The following LCE6A variants were observed in gnomAD, a reference collection of about 807,000 sequenced individuals.
LCE6A encodes the protein late cornified envelope protein 6A.
For synonymous variants in LCE6A, 38 were observed against 35.2 expected (o/e 1.08, Z -0.28); for missense variants, 105 against 95.3 (o/e 1.10, Z -0.42).
chr1:152,843,895 G>C lies in LCE6A; in HGVS notation c.*132G>C, dbSNP rs770480733. 1.1e-5 allele frequency: 13 copies of C among 1,140,746 alleles called. No homozygotes were observed. The highest frequency in any genetic ancestry group is 1.6e-5 in the African/African-American group (1 of 63,474). The allele number at this position is 1,140,746 out of a possible 1,614,324, so 70.7% of individuals were successfully genotyped here. A position where few individuals can be genotyped will look rare whatever the true frequency, so the allele number is the denominator to read the frequency against. ...AAACACTTCCTGATCCCCAGCTCTA[G>C]AGAAGCGAGAACTAGGCTGAGCCAC... On this transcript the variant is annotated 3_prime_UTR_variant, in exon 2 of 2. Transcript: ENST00000431011.
rs945885829 is a variant in LCE6A, at chr1:152,843,671, G to T, written c.151G>T (p.Val51Phe). Residue 51 changes from valine to phenylalanine, a missense_variant, in exon 2 of 2, where the codon GTT becomes TTT. By Grantham distance (50) the Val-to-Phe change is conservative (BLOSUM62 -1). Transcript: ENST00000431011. ...GCHSSSQRPEVQKPRRARQKL... is the reference protein window; with the variant it reads ...GCHSSSQRPEFQKPRRARQKL... ...TCATTCCAGTTCCCAAAGGCCTGAG[G>T]TTCAGAAGCCTAGGAGGGCTCGTCA... 5.8e-6 allele frequency: 9 copies of T among 1,551,368 alleles called. No individual in the cohort carries two copies. The highest frequency in any genetic ancestry group is 4.1e-5 in the African/African-American group (3 of 73,002).
In LCE6A at chr1:152,842,927, G is replaced by A. The variant is rs1327023199; in HGVS notation, c.-106G>A. ...CACTAGGGTAAGGCTACTTCTGGCT[G>A]AGGAGACACTTGGATGTAGCTCAAG... On this transcript the variant is annotated 5_prime_UTR_variant, in exon 1 of 2. Transcript: ENST00000431011. 6.6e-6 allele frequency: 1 copy of A among 152,272 alleles called. No homozygotes were observed. Among genetic ancestry groups the A allele is most frequent in the Non-Finnish European group, 1.5e-5 (1 of 68,110 alleles). The allele number at this position is 152,272 out of a possible 1,614,324, so 9.4% of individuals were successfully genotyped here. A position where few individuals can be genotyped will look rare whatever the true frequency, so the allele number is the denominator to read the frequency against.
rs1647928446 is a variant in LCE6A, at chr1:152,843,790, A to G, written c.*27A>G. The stretch of plus-strand genomic sequence containing the variant: ...CCCAGAAGAGTTGAGGCACAGGTGC[A>G]GTTACTCTCTCCCTGCCCCACCTTT... On this transcript the variant is annotated 3_prime_UTR_variant, in exon 2 of 2. Coordinates refer to ENST00000431011, the MANE Select transcript of LCE6A (RefSeq NM_001128600.2). 5.2e-6 allele frequency: 8 copies of G among 1,526,802 alleles called. No individual in the cohort carries two copies. The highest frequency in any genetic ancestry group is 7.1e-6 in the Non-Finnish European group (8 of 1,133,264). 94.6% of individuals were successfully genotyped at this position (1,526,802 alleles called of 1,614,324 possible). A position where few individuals can be genotyped will look rare whatever the true frequency, so the allele number is the denominator to read the frequency against.
rs1407808796 is a variant in LCE6A, at chr1:152,843,672, T to A, written c.152T>A (p.Val51Asp). Residue 51 changes from valine to aspartate, a missense_variant, in exon 2 of 2, where the codon GTT becomes GAT. By Grantham distance (152) the Val-to-Asp change is radical (BLOSUM62 -3). Coordinates refer to ENST00000431011, the MANE Select transcript of LCE6A (RefSeq NM_001128600.2). ...CATTCCAGTTCCCAAAGGCCTGAGG[T>A]TCAGAAGCCTAGGAGGGCTCGTCAA... Reference protein sequence around the residue: ...GCHSSSQRPEVQKPRRARQKL... With the variant: ...GCHSSSQRPEDQKPRRARQKL... The A allele has an allele frequency of 9.0e-6, 14 of 1,551,416 alleles. No homozygotes were observed. Among genetic ancestry groups the A allele is most frequent in the Non-Finnish European group, 1.1e-5 (13 of 1,146,864 alleles).
rs945885829 is a variant in LCE6A, at chr1:152,843,671, G to C, written c.151G>C (p.Val51Leu). ...TCATTCCAGTTCCCAAAGGCCTGAG[G>C]TTCAGAAGCCTAGGAGGGCTCGTCA... ...GCHSSSQRPE[V>L]QKPRRARQKL... is the part of the protein sequence containing the mutation. Residue 51 changes from valine (V) to leucine (L), a missense_variant, in exon 2 of 2, where the codon GTT becomes CTT. Physicochemically the swap from Val to Leu is conservative, Grantham distance 32. Coordinates refer to ENST00000431011, the MANE Select transcript of LCE6A (RefSeq NM_001128600.2). 6.4e-7 allele frequency: 1 copy of C among 1,551,486 alleles called. No homozygotes were observed. Among genetic ancestry groups the C allele is most frequent in the Non-Finnish European group, 8.7e-7 (1 of 1,146,870 alleles).
At position 152,843,629 on chromosome 1, in the gene LCE6A, C is replaced by T. The variant is rs1446712580; in HGVS notation, c.109C>T (p.Pro37Ser). The change falls in exon 2 of 2, where the codon CCC becomes TCC. Residue 37 changes from proline to serine, a missense_variant. Transcript: ENST00000431011. The stretch of plus-strand genomic sequence containing the variant: ...TCCCTACTCGACTCCTTGTGGTGCT[C>T]CCCATTCAGAAGGTTGTCATTCCAG... ...LAPYSTPCGA[P>S]HSEGCHSSSQ... 4 of 1,551,478 alleles carry T rather than the reference C, an allele frequency of 2.6e-6. No homozygotes were observed. The Admixed American group carries it at 5.9e-5, about 23-fold the overall frequency.
Position 152,842,941 on chromosome 1 carries a change from A to G in LCE6A, c.-92A>G, listed in dbSNP as rs528971080. On this transcript the variant is annotated 5_prime_UTR_variant, in exon 1 of 2. An upstream start codon of the reference 5' UTR is lost. Transcript: ENST00000431011. ...TACTTCTGGCTGAGGAGACACTTGG[A>G]TGTAGCTCAAGTGCTGCTTAGGCAG... 2.0e-5 allele frequency: 3 copies of G among 152,386 alleles called. No homozygotes were observed. The South Asian group carries it at 6.2e-4, about 32-fold the overall frequency. 9.4% of individuals were successfully genotyped at this position (152,386 alleles called of 1,614,324 possible). A position where few individuals can be genotyped will look rare whatever the true frequency, so the allele number is the denominator to read the frequency against.
chr1:152,843,881 G>A lies in LCE6A; in HGVS notation c.*118G>A. 2.4e-6 allele frequency: 3 copies of A among 1,246,178 alleles called. No homozygotes were observed. Among genetic ancestry groups the A allele is most frequent in the Non-Finnish European group, 1.1e-6 (1 of 918,104 alleles). The allele number at this position is 1,246,178 out of a possible 1,614,324, so 77.2% of individuals were successfully genotyped here. On this transcript the variant is annotated 3_prime_UTR_variant, in exon 2 of 2. Coordinates refer to ENST00000431011, the MANE Select transcript of LCE6A (RefSeq NM_001128600.2). ...TCATTTGGACTGAGAAACACTTCCT[G>A]ATCCCCAGCTCTAGAGAAGCGAGAA...
intron 1 of LCE6A, 38 bp downstream of exon 1, chr1:152,843,049 T>A (rs1647890578): frequency 6.5e-6 from 1 of 152,690 alleles, no homozygotes; most frequent in South Asian, 2.1e-4. Flanking sequence ...GGAAGAGAAG[T>A]GGATCCCTGC....
chr1:152,843,331 G>A (rs1299279175), intron 1 of LCE6A, among the ~76,000 whole-genome samples, 169 bp from the exon 2 acceptor site: 2 of 151,806 alleles, frequency 1.3e-5, no homozygotes, highest in African/African-American at 4.8e-5. Flanking sequence ...AGTCCCCTGG[G>A]AAGATTTACT....
chr1:152,843,701 C>T lies in LCE6A; in HGVS notation c.181C>T (p.Leu61=). Reference sequence around the variant, plus strand: ...GAAGCCTAGGAGGGCTCGTCAAAAGCTGCGCTGCCTAAGTAGGGGCACAAC... The same window carrying T: ...GAAGCCTAGGAGGGCTCGTCAAAAGTTGCGCTGCCTAAGTAGGGGCACAAC... ...VQKPRRARQK[L]RCLSRGTTYH... The change falls in exon 2 of 2, where the codon CTG becomes TTG. Residue 61 remains leucine (L), a synonymous_variant. Transcript: ENST00000431011. 2 of 1,551,472 alleles carry T rather than the reference C, an allele frequency of 1.3e-6. No homozygotes were observed. Among genetic ancestry groups the T allele is most frequent in the Non-Finnish European group, 8.7e-7 (1 of 1,146,850 alleles).
rs756899929 is a variant in LCE6A at position 152,843,514 on chromosome 1, C to T, written c.-7C>T. On this transcript the variant is annotated 5_prime_UTR_variant, in exon 2 of 2. Coordinates refer to ENST00000431011, the MANE Select transcript of LCE6A (RefSeq NM_001128600.2). ...TTTTCTTCCAGATTCGACCTGGTAG[C>T]CAAGCAATGTCACAGCAGAAGCAGC... 1 of 1,516,966 alleles carries T rather than the reference C, an allele frequency of 6.6e-7. No individual in the cohort carries two copies. Among genetic ancestry groups the T allele is most frequent in the Non-Finnish European group, 8.9e-7 (1 of 1,129,498 alleles). The allele number at this position is 1,516,966 out of a possible 1,614,324, so 94.0% of individuals were successfully genotyped here.
In LCE6A at chr1:152,843,902, G is replaced by A. The variant is rs1174964220; in HGVS notation, c.*139G>A. The A allele has an allele frequency of 5.6e-6, 6 of 1,064,430 alleles. No homozygotes were observed. The highest frequency in any genetic ancestry group is 5.8e-5 in the Admixed American group (2 of 34,266). 65.9% of individuals were successfully genotyped at this position (1,064,430 alleles called of 1,614,324 possible). A position where few individuals can be genotyped will look rare whatever the true frequency, so the allele number is the denominator to read the frequency against. Reference sequence around the variant, plus strand: ...TCCTGATCCCCAGCTCTAGAGAAGCGAGAACTAGGCTGAGCCACGCTGCTA... The same window carrying A: ...TCCTGATCCCCAGCTCTAGAGAAGCAAGAACTAGGCTGAGCCACGCTGCTA... On this transcript the variant is annotated 3_prime_UTR_variant, in exon 2 of 2. Transcript: ENST00000431011.
In LCE6A at chr1:152,843,535, G is replaced by A. The variant is rs144052931; in HGVS notation, c.15G>A (p.Lys5=). 3.9e-4 allele frequency: 593 copies of A among 1,538,236 alleles called. 5 individuals are homozygous for A. The African/African-American group carries it at 7.5e-3, about 20-fold the overall frequency. MSQQ[K]QQSWKPPNVP... ...GTAGCCAAGCAATGTCACAGCAGAA[G>A]CAGCAATCTTGGAAGCCTCCAAATG... Residue 5 remains lysine, a synonymous_variant, in exon 2 of 2, where the codon AAG becomes AAA. Transcript: ENST00000431011.
chr1:152,843,758 G>T lies in LCE6A; in HGVS notation c.238G>T (p.Asp80Tyr). 2 of 1,547,962 alleles carry T rather than the reference G, an allele frequency of 1.3e-6. No individual in the cohort carries two copies. Among genetic ancestry groups the T allele is most frequent in the South Asian group, 2.4e-5 (2 of 83,488 alleles). The change falls in exon 2 of 2, where the codon GAC (aspartate) becomes TAC (tyrosine). Residue 80 changes from aspartate to tyrosine, a missense_variant. By Grantham distance (160) the Asp-to-Tyr change is radical. Coordinates refer to ENST00000431011, the MANE Select transcript of LCE6A (RefSeq NM_001128600.2). ...YHCKEEECEG[D>Y] ...CTGCAAAGAGGAAGAGTGTGAAGGC[G>T]ACTGAGCCCAGAAGAGTTGAGGCAC...
Position 152,843,769 on chromosome 1 carries a change from G to A in LCE6A, c.*6G>A, listed in dbSNP as rs1647927246. On this transcript the variant is annotated 3_prime_UTR_variant, in exon 2 of 2. Transcript: ENST00000431011. The stretch of plus-strand genomic sequence containing the variant: ...AAGAGTGTGAAGGCGACTGAGCCCA[G>A]AAGAGTTGAGGCACAGGTGCAGTTA... 1 of 1,543,702 alleles carries A rather than the reference G, an allele frequency of 6.5e-7. No homozygotes were observed.
At position 152,843,751 on chromosome 1, in the gene LCE6A, T is replaced by A; in HGVS notation, c.231T>A (p.Cys77Ter). ...CCTACCACTGCAAAGAGGAAGAGTG[T>A]GAAGGCGACTGAGCCCAGAAGAGTT... The part of the protein sequence containing the change: ...GTTYHCKEEE[C>*]EGD The change falls in exon 2 of 2, where the codon TGT (cysteine) becomes TGA (stop). Residue 77 changes from cysteine to a stop codon, truncating the protein, a stop_gained. Transcript: ENST00000431011. LOFTEE classifies it high-confidence loss of function. 1.9e-6 allele frequency: 3 copies of A among 1,549,372 alleles called. No homozygotes were observed. Among genetic ancestry groups the A allele is most frequent in the Non-Finnish European group, 2.6e-6 (3 of 1,145,718 alleles).
At chr1:152,843,368 G>A (rs768084462) in intron 1 of LCE6A, 132 bp from the exon 2 acceptor site, 12 of 713,888 alleles carry the variant, frequency 1.7e-5, no homozygotes, top group Middle Eastern at 6.7e-4. Context: ...TTTCAAGTCC[G>A]TTTTTCTCCT....
chr1:152,843,965 T>G lies in LCE6A; in HGVS notation c.*202T>G. On this transcript the variant is annotated 3_prime_UTR_variant, in exon 2 of 2. Transcript: ENST00000431011. ...ATTCACCCCTTCAGCTCAGCAACAA[T>G]AAAGCTGCTTTACTTGGAGCCCTGA... 1 of 510,090 alleles carries G rather than the reference T, an allele frequency of 2.0e-6. No individual in the cohort carries two copies. Among genetic ancestry groups the G allele is most frequent in the Non-Finnish European group, 3.4e-6 (1 of 292,076 alleles). 31.6% of individuals were successfully genotyped at this position (510,090 alleles called of 1,614,324 possible).
Sources: allele counts gnomAD v4.1 joint callset (sites outside exome capture counted in the v4.1 genomes callset), GRCh38; gene constraint gnomAD v4.1.1; transcripts MANE v1.5; gene names NCBI Gene and HGNC (gene_info 2026-07-23, HGNC 2026-07-21).